CDH12: variants seen among roughly 807,000 people sequenced by gnomAD.
CDH12 encodes cadherin 12, also known as cadherin-12.
A neutral mutation model predicts 74.1 loss-of-function variants in CDH12; 41 were observed. The ratio of observed to expected loss-of-function variants is 0.55; its 90% CI spans 0.43 to 0.72. The LOEUF (loss-of-function observed/expected upper bound fraction) is 0.72. CDH12 is among the 30% of genes least tolerant of loss of function. The probability of loss-of-function intolerance (pLI) is 0.00; values close to 1 mark genes in which losing one functional copy is unlikely to be tolerated. For missense variants in CDH12, 945 were observed against 977.2 expected (o/e 0.97, Z 0.44); for synonymous variants, 399 against 355.0 (o/e 1.12, Z -1.39).
chr5:21,903,977 GT>G (rs1753518513), intron 6 of CDH12, among the ~76,000 whole-genome samples: 1 of 152,086 alleles, frequency 6.6e-6, no homozygotes, highest in Non-Finnish European at 1.5e-5. Flanking sequence ...AGATTAAAAT[GT>G]CTTGCTAAGT....
At chr5:22,413,156 G>A (rs1340996287) in intron 2 of CDH12, among the ~76,000 whole-genome samples, 1 of 151,896 alleles carries the variant, frequency 6.6e-6, no homozygotes, top group Admixed American at 6.6e-5. Flanking sequence ...AAAGTTTGAG[G>A]ATAGAGATAG....
At chr5:21,832,790 T>C (rs1561223505) in intron 8 of CDH12, among the ~76,000 whole-genome samples, 1 of 102,190 alleles carries the variant, frequency 9.8e-6, no homozygotes, top group African/African-American at 5.5e-5. Context: ...ATATATATCA[T>C]ATAATATATA....
At chr5:21,818,610 G>A (rs1298709621) in intron 8 of CDH12, among the ~76,000 whole-genome samples, 1 of 151,612 alleles carries the variant, frequency 6.6e-6, no homozygotes, top group Non-Finnish European at 1.5e-5. Flanking sequence ...TTATCTCCAT[G>A]GAACATATAT....
intron 5 of CDH12, among the ~76,000 whole-genome samples, chr5:22,018,720 AT>A (rs1737768733): frequency 6.6e-6 from 1 of 152,202 alleles, no homozygotes; most frequent in Non-Finnish European, 1.5e-5. Flanking sequence ...CAATGGCAAC[AT>A]TTACCAAAAT....
At chr5:22,713,120 C>T (rs1045485990) in intron 1 of CDH12, among the ~76,000 whole-genome samples, 2 of 133,692 alleles carry the variant, frequency 1.5e-5, no homozygotes, top group African/African-American at 5.5e-5. Flanking sequence ...TCCATATGAT[C>T]TTATGCTAAT....
intron 1 of CDH12, among the ~76,000 whole-genome samples, chr5:22,526,397 G>A (rs757175126): frequency 3.3e-5 from 5 of 152,148 alleles, no homozygotes; most frequent in Non-Finnish European, 7.3e-5. Flanking sequence ...TAGACCCGGA[G>A]AATGGACATA....
At chr5:22,371,533 C>A (rs1580576224) in intron 3 of CDH12, among the ~76,000 whole-genome samples, 1 of 152,096 alleles carries the variant, frequency 6.6e-6, no homozygotes, top group African/African-American at 2.4e-5. Flanking sequence ...ATTGGATCCT[C>A]CAAGTATTCC....
intron 6 of CDH12, among the ~76,000 whole-genome samples, chr5:21,872,572 C>T (rs1751681897): frequency 6.6e-6 from 1 of 152,140 alleles, no homozygotes; most frequent in African/African-American, 2.4e-5. Flanking sequence ...TATACTCACT[C>T]AGGGGCTCTC....
intron 5 of CDH12, among the ~76,000 whole-genome samples, chr5:22,001,772 G>A (rs1448984318): frequency 5.3e-5 from 8 of 150,534 alleles, no homozygotes; most frequent in Non-Finnish European, 1.2e-4. Context: ...TCCATGGCTT[G>A]CCCAAATAAT....
intron 3 of CDH12, among the ~76,000 whole-genome samples, chr5:22,398,670 T>G (rs1742574216): frequency 1.3e-5 from 2 of 152,148 alleles, no homozygotes; most frequent in Admixed American, 6.6e-5. Context: ...GTCTTTTGTC[T>G]CCTTTTTCAC....
At chr5:22,794,642 A>G (rs917467259) in intron 1 of CDH12, among the ~76,000 whole-genome samples, 7 of 152,246 alleles carry the variant, frequency 4.6e-5, no homozygotes, top group African/African-American at 1.7e-4. Context: ...AAATAGATAC[A>G]GAAAAACACA....
At position 22,657,607 on chromosome 5, in the gene CDH12, T is replaced by C. The variant is rs145872528; in HGVS notation, c.-522-152243A>G. ...AGTATTATGATTTAGCTAGTCCACA[T>C]TTTTAGAACTAATTTGATAGGGAAA... On this transcript the variant is annotated intron_variant, in intron 1 of 14. Transcript: ENST00000382254. 5.0e-3 allele frequency among the ~76,000 whole-genome samples: 768 copies of C among 152,294 alleles called. 11 individuals are homozygous for C. The highest frequency in any genetic ancestry group is 0.018 in the African/African-American group (734 of 41,560).
chr5:22,012,291 ATTG>A (rs1737345006), intron 5 of CDH12, among the ~76,000 whole-genome samples: 1 of 148,858 alleles, frequency 6.7e-6, no homozygotes, highest in African/African-American at 2.5e-5. Flanking sequence ...CTCTAATATA[ATTG>A]TTGTCAAATA....
chr5:22,254,220 G>A (rs1394719883), intron 3 of CDH12, among the ~76,000 whole-genome samples: 1 of 151,820 alleles, frequency 6.6e-6, no homozygotes, highest in Non-Finnish European at 1.5e-5. Context: ...TTAATTCCAA[G>A]AATTGGATTA....
chr5:21,762,160 T>G (rs551750510), intron 12 of CDH12, among the ~76,000 whole-genome samples: 1 of 152,250 alleles, frequency 6.6e-6, no homozygotes, highest in Non-Finnish European at 1.5e-5. Flanking sequence ...ATTACTAAAT[T>G]AAATGTATAA....
At chr5:22,599,218 T>C (rs954261449) in intron 1 of CDH12, among the ~76,000 whole-genome samples, 2 of 152,090 alleles carry the variant, frequency 1.3e-5, no homozygotes, top group Non-Finnish European at 2.9e-5. Flanking sequence ...ATACAGAAAA[T>C]TGCACTATTC....
At chr5:22,693,521 C>G (rs1283499272) in intron 1 of CDH12, among the ~76,000 whole-genome samples, 1 of 151,944 alleles carries the variant, frequency 6.6e-6, no homozygotes, top group Non-Finnish European at 1.5e-5. Flanking sequence ...TGTGCCTTTT[C>G]TTTTAAAAAT....
At chr5:21,773,816 C>A (rs759455060) in intron 11 of CDH12, among the ~76,000 whole-genome samples, 1 of 151,996 alleles carries the variant, frequency 6.6e-6, no homozygotes, top group Admixed American at 6.6e-5. Context: ...TCTTTATTTC[C>A]TTTTTTTCTT....
chr5:22,297,182 C>T (rs1164915989), intron 3 of CDH12, among the ~76,000 whole-genome samples: 4 of 151,834 alleles, frequency 2.6e-5, no homozygotes, highest in Admixed American at 1.3e-4. Flanking sequence ...CTACCATGCC[C>T]GGCTAATTTT....
Sources: gnomAD v4.1 joint callset for allele counts (sites outside exome capture counted in the v4.1 genomes callset) on GRCh38, gnomAD v4.1.1 for gene constraint, MANE v1.5 for transcripts, NCBI Gene and HGNC (gene_info 2026-07-23, HGNC 2026-07-21) for gene names.